Variants in DDRGK1 observed in about 807,000 individuals in gnomAD.
DDRGK1 encodes the protein DDRGK domain containing 1, also known as DDRGK domain-containing protein 1.
DDRGK1 carries 38 observed loss-of-function variants against 45.8 expected under a neutral mutation model. The ratio of observed to expected loss-of-function variants is 0.83; its 90% confidence interval spans 0.64 to 1.09. DDRGK1 has a LOEUF of 1.09. Ranked by LOEUF, DDRGK1 falls within the 50% of genes least tolerant of loss-of-function variation. DDRGK1 has a pLI of 0.00. For missense variants in DDRGK1, 403 were observed against 419.9 expected (o/e 0.96, Z 0.35); for synonymous variants, 171 against 168.7 (o/e 1.01, Z -0.11).
At chr20:3,200,160 G>A (rs907293151) in intron 3 of DDRGK1, 58 bp from the exon 4 acceptor site, 40 of 1,556,912 alleles carry the variant, frequency 2.6e-5, no homozygotes, top group East Asian at 7.0e-5. Context: ...TGTGCCCACC[G>A]CCCAGACAGA....
chr20:3,193,852 G>A (rs374489693), intron 6 of DDRGK1, among the ~76,000 whole-genome samples: 1 of 152,154 alleles, frequency 6.6e-6, no homozygotes, highest in South Asian at 2.1e-4. Flanking sequence ...TTCCTGGGGA[G>A]GGGCTTCAGG....
Position 3,194,859 on chromosome 20 carries a change from A to G in DDRGK1, c.643T>C (p.Phe215Leu), listed in dbSNP as rs201329784. Reference sequence around the variant, plus strand: ...ATGTAGTTGATGAACTCTGTCAGGAAGCTCTGGGACTAGAGAAGCAGAGAA... The same window carrying G: ...ATGTAGTTGATGAACTCTGTCAGGAGGCTCTGGGACTAGAGAAGCAGAGAA... ...ETMTEEQSQSFLTEFINYIKQ... is the reference protein window; with the variant it reads ...ETMTEEQSQSLLTEFINYIKQ... Residue 215 changes from phenylalanine to leucine, a missense_variant, in exon 6 of 9, where the codon TTC becomes CTC. By Grantham distance (22) the Phe-to-Leu change is conservative. Transcript: ENST00000354488. 1 of 1,614,140 alleles carries G rather than the reference A, an allele frequency of 6.2e-7. No homozygotes were observed. Among genetic ancestry groups the G allele is most frequent in the Non-Finnish European group, 8.5e-7 (1 of 1,179,998 alleles).
At position 3,190,675 on chromosome 20, in the gene DDRGK1, G is replaced by T; in HGVS notation, c.923C>A (p.Ser308Tyr). Residue 308 changes from serine to tyrosine, a missense_variant, in exon 9 of 9, where the codon TCC becomes TAC. Physicochemically the swap from Ser to Tyr is moderately radical, Grantham distance 144. Coordinates refer to ENST00000354488, the MANE Select transcript of DDRGK1 (RefSeq NM_023935.3). ...GGGTCAGGCTGGGGCTTGGGCAGGG[G>T]ACTCCCGGCCCCAGGCGATGAGGGA... is the stretch of plus-strand genomic sequence containing the variant. Reference protein sequence around the residue: ...SNSLIAWGRESPAQAPA With the variant: ...SNSLIAWGREYPAQAPA 1 of 1,613,870 alleles carries T rather than the reference G, an allele frequency of 6.2e-7. No individual in the cohort carries two copies. The highest frequency in any genetic ancestry group is 8.5e-7 in the Non-Finnish European group (1 of 1,179,964).
rs149700125 is a variant in DDRGK1 at position 3,197,551 on chromosome 20, T to A, written c.511-2198A>T. Among the ~76,000 whole-genome samples, 83 of 152,302 alleles carry A rather than the reference T, an allele frequency of 5.4e-4. 1 individual carries two copies. The East Asian group carries it at 0.016, about 29-fold the overall frequency. ...TCACTTATTGTCTTCTTCAGTCAGATCCATAACCCCAGTCTAACCATGAGA... is the reference window on the plus strand; with the variant it reads ...TCACTTATTGTCTTCTTCAGTCAGAACCATAACCCCAGTCTAACCATGAGA... On this transcript the variant is annotated intron_variant, in intron 4 of 8. Transcript: ENST00000354488.
At chr20:3,200,863 A>C (rs545385209) in intron 2 of DDRGK1, among the ~76,000 whole-genome samples, 286 of 152,072 alleles carry the variant, frequency 1.9e-3, no homozygotes, top group South Asian at 0.012. Flanking sequence ...GTAATCCCAG[A>C]ACTTTGGGAG....
In DDRGK1 at chr20:3,191,912, T is replaced by G. The variant is rs975385546; in HGVS notation, c.673-91A>C. On this transcript the variant is annotated intron_variant, in intron 6 of 8. Coordinates refer to ENST00000354488, the MANE Select transcript of DDRGK1 (RefSeq NM_023935.3). ...CCTCCAGGTTTGCATTCTGATCTGATCTGTTCTCGGTGGCTGGAAAAACAC... is the reference window on the plus strand; with the variant it reads ...CCTCCAGGTTTGCATTCTGATCTGAGCTGTTCTCGGTGGCTGGAAAAACAC... 2.9e-6 allele frequency: 4 copies of G among 1,361,302 alleles called. No homozygotes were observed. The African/African-American group carries it at 5.8e-5, about 20-fold the overall frequency. 84.3% of individuals were successfully genotyped at this position (1,361,302 alleles called of 1,614,324 possible).
chr20:3,200,176 G>A (rs750470747), intron 3 of DDRGK1, 74 bp from the exon 4 acceptor site: 98 of 1,548,058 alleles, frequency 6.3e-5, no homozygotes, highest in Non-Finnish European at 8.4e-5. Context: ...ACAGACTAGG[G>A]AAGGCAATGC....
chr20:3,195,188 C>T (rs200633077), intron 5 of DDRGK1, 43 bp downstream of exon 5: 6 of 1,613,558 alleles, frequency 3.7e-6, no homozygotes, highest in Non-Finnish European at 4.2e-6. Flanking sequence ...ACAGGCTGCA[C>T]TGATGGGTGC....
intron 2 of DDRGK1, 39 bp downstream of exon 2, chr20:3,203,174 A>C: frequency 6.7e-7 from 1 of 1,484,372 alleles, no homozygotes; most frequent in Admixed American, 2.4e-5. Context: ...CCCCCCCTCC[A>C]ACCCAAACCC....
chr20:3,199,482 T>C (rs2067026415), intron 4 of DDRGK1, among the ~76,000 whole-genome samples: 1 of 152,214 alleles, frequency 6.6e-6, no homozygotes, highest in Non-Finnish European at 1.5e-5. Context: ...GCCCTGGCTC[T>C]AACCCTATGT....
chr20:3,196,665 A>G (rs943954697), intron 4 of DDRGK1, among the ~76,000 whole-genome samples: 1 of 152,176 alleles, frequency 6.6e-6, no homozygotes, highest in African/African-American at 2.4e-5. Flanking sequence ...TGGGGGACAG[A>G]GCGAGACTCC....
At chr20:3,191,325 C>A in intron 7 of DDRGK1, 87 bp from the exon 8 acceptor site, 1 of 1,436,372 alleles carries the variant, frequency 7.0e-7, no homozygotes, top group Non-Finnish European at 9.8e-7. Context: ...ACAGCCAAAT[C>A]TCTTTATTTC....
In DDRGK1 at chr20:3,190,719, C is replaced by T; in HGVS notation, c.879G>A (p.Glu293=). The change falls in exon 9 of 9, where the codon GAG becomes GAA. Residue 293 remains glutamate (E), a synonymous_variant. Transcript: ENST00000354488. ...IRQRGRVSIA[E]LAQASNSLIA... ...TGAGGGAGTTGCTGGCTTGGGCAAG[C>T]TCGGCGATGGACACCCGGCCCCGCT... 6.2e-7 allele frequency: 1 copy of T among 1,614,098 alleles called. No individual in the cohort carries two copies. Among genetic ancestry groups the T allele is most frequent in the African/African-American group, 1.3e-5 (1 of 75,050 alleles).
intron 2 of DDRGK1, among the ~76,000 whole-genome samples, chr20:3,202,718 C>T (rs4630837): frequency 0.086 from 13,084 of 152,248 alleles, 647 homozygotes; most frequent in East Asian, 0.17. Context: ...TCCTCAGGCT[C>T]AAGCCAGCTG....
Position 3,194,558 on chromosome 20 carries a change from G to A in DDRGK1, c.672+272C>T, listed in dbSNP as rs140177996. 1.5e-3 allele frequency among the ~76,000 whole-genome samples: 236 copies of A among 152,374 alleles called. 3 individuals are homozygous for A. Among genetic ancestry groups the A allele is most frequent in the African/African-American group, 5.4e-3 (224 of 41,588 alleles). ...TTGAAAACACACTGACTCACTGAGCGTGGGGTCTGAAGAGCAGGGAAACTG... is the reference window on the plus strand; with the variant it reads ...TTGAAAACACACTGACTCACTGAGCATGGGGTCTGAAGAGCAGGGAAACTG... On this transcript the variant is annotated intron_variant, in intron 6 of 8. Coordinates refer to ENST00000354488, the MANE Select transcript of DDRGK1 (RefSeq NM_023935.3).
At chr20:3,191,341 C>T in intron 7 of DDRGK1, 103 bp from the exon 8 acceptor site, 1 of 1,292,960 alleles carries the variant, frequency 7.7e-7, no homozygotes, top group Non-Finnish European at 1.1e-6. Flanking sequence ...ATTTCCCTCT[C>T]ATGCCACGCC....
intron 2 of DDRGK1, among the ~76,000 whole-genome samples, chr20:3,200,809 C>G (rs890531395): frequency 6.6e-6 from 1 of 151,894 alleles, no homozygotes; most frequent in Non-Finnish European, 1.5e-5. Context: ...AACCCCATCT[C>G]TACTAAAAGT....
chr20:3,190,483 T>C lies in DDRGK1; in HGVS notation c.*170A>G, dbSNP rs1043800372. 4 of 808,326 alleles carry C rather than the reference T, an allele frequency of 4.9e-6. No individual in the cohort carries two copies. In the African/African-American group the frequency reaches 5.2e-5, roughly 10 times the overall value. The allele number at this position is 808,326 out of a possible 1,614,324, so 50.1% of individuals were successfully genotyped here. On this transcript the variant is annotated 3_prime_UTR_variant, in exon 9 of 9. Coordinates refer to ENST00000354488, the MANE Select transcript of DDRGK1 (RefSeq NM_023935.3). Reference sequence around the variant, plus strand: ...AATTTCACCTGCTTATCTAGGATCCTAGGCCAGGCCTTCTGCCACACCAAG... The same window carrying C: ...AATTTCACCTGCTTATCTAGGATCCCAGGCCAGGCCTTCTGCCACACCAAG...
intron 2 of DDRGK1, among the ~76,000 whole-genome samples, chr20:3,201,820 CCT>C (rs1220247606): frequency 1.3e-5 from 2 of 149,698 alleles, no homozygotes; most frequent in Non-Finnish European, 3.0e-5. Flanking sequence ...ACCATGCCCC[CCT>C]GATTTTTTTA....
Sources: allele counts gnomAD v4.1 joint callset (sites outside exome capture counted in the v4.1 genomes callset), GRCh38; gene constraint gnomAD v4.1.1; transcripts MANE v1.5; gene names NCBI Gene and HGNC (gene_info 2026-07-23, HGNC 2026-07-21).